Variants in NUP37 observed in about 807,000 individuals in gnomAD.
NUP37 encodes nucleoporin 37.
A neutral mutation model predicts 45.4 loss-of-function variants in NUP37; 33 were observed. The observed-to-expected ratio is 0.73, with a 90% CI of 0.55 to 0.97. The LOEUF is 0.97. Ranked by LOEUF, NUP37 falls within the 50% of genes least tolerant of loss-of-function variation. The pLI, the probability that NUP37 is intolerant of heterozygous loss-of-function variation, is 0.00. For missense variants in NUP37, 365 were observed against 389.7 expected (o/e 0.94, Z 0.53); for synonymous variants, 127 against 130.7 (o/e 0.97, Z 0.19).
intron 7 of NUP37, 59 bp downstream of exon 7, chr12:102,077,263 T>G (rs1477866172): frequency 6.4e-7 from 1 of 1,556,762 alleles, no homozygotes; most frequent in Non-Finnish European, 8.9e-7. Context: ...GAGTGGATCA[T>G]TTAGCAACAG....
At chr12:102,115,637 A>G (rs1050601470) in intron 2 of NUP37, among the ~76,000 whole-genome samples, 2 of 152,258 alleles carry the variant, frequency 1.3e-5, no homozygotes, top group Admixed American at 6.5e-5. Context: ...TAACAGTACT[A>G]TCATTCAGAA....
chr12:102,086,299 C>A (rs958098349), intron 5 of NUP37, among the ~76,000 whole-genome samples: 22 of 152,126 alleles, frequency 1.4e-4, no homozygotes, highest in Non-Finnish European at 2.9e-4. Flanking sequence ...ATTTTCAAAA[C>A]AACATACAGA....
chr12:102,112,280 A>G (rs773314505), intron 2 of NUP37, 48 bp from the exon 3 acceptor site: 15 of 1,458,306 alleles, frequency 1.0e-5, no homozygotes, highest in East Asian at 9.3e-5. Flanking sequence ...AACAAACAAT[A>G]TAATATTCTG....
intron 6 of NUP37, 113 bp from the exon 7 acceptor site, chr12:102,077,616 G>A: frequency 9.7e-7 from 1 of 1,035,552 alleles, no homozygotes; most frequent in East Asian, 2.5e-5. Flanking sequence ...GCAATATACA[G>A]GTTCAGCATT....
At chr12:102,113,863 A>G (rs142245208) in intron 2 of NUP37, among the ~76,000 whole-genome samples, 1 of 152,344 alleles carries the variant, frequency 6.6e-6, no homozygotes, top group East Asian at 1.9e-4. Flanking sequence ...CCAAGTAGAT[A>G]TACTGATTTT....
chr12:102,075,185 T>A (rs1311007587), intron 8 of NUP37, 91 bp from the exon 9 acceptor site: 1 of 807,834 alleles, frequency 1.2e-6, no homozygotes, highest in African/African-American at 1.8e-5. Context: ...TCTTTTTCTT[T>A]TTTTTTAAGA....
At chr12:102,098,686 C>T (rs376727019) in intron 5 of NUP37, among the ~76,000 whole-genome samples, 7 of 152,166 alleles carry the variant, frequency 4.6e-5, no homozygotes, top group South Asian at 2.1e-4. Context: ...TGCGCACTAC[C>T]GTGCCTGGCT....
At chr12:102,079,005 T>C (rs563605258) in intron 6 of NUP37, 13 of 272,468 alleles carry the variant, frequency 4.8e-5, no homozygotes, top group African/African-American at 2.2e-4. Flanking sequence ...GCATGAGTAG[T>C]TGATGCCTGA....
chr12:102,092,799 G>A (rs1879695446), intron 5 of NUP37, among the ~76,000 whole-genome samples: 1 of 152,122 alleles, frequency 6.6e-6, no homozygotes, highest in Non-Finnish European at 1.5e-5. Flanking sequence ...TGAGACTATG[G>A]AGAACTTTGA....
chr12:102,083,220 TTATA>T (rs1190293401), intron 6 of NUP37, among the ~76,000 whole-genome samples: 1 of 152,236 alleles, frequency 6.6e-6, no homozygotes, highest in Non-Finnish European at 1.5e-5. Context: ...TTTATTGTAG[TTATA>T]TATGGTGATA....
chr12:102,108,560 T>C (rs190315067), intron 3 of NUP37, among the ~76,000 whole-genome samples: 2 of 152,308 alleles, frequency 1.3e-5, no homozygotes, highest in East Asian at 3.9e-4. Context: ...CCTTCATATA[T>C]ACATCTATCC....
At chr12:102,090,412 T>C (rs1353089341) in intron 5 of NUP37, among the ~76,000 whole-genome samples, 1 of 152,326 alleles carries the variant, frequency 6.6e-6, no homozygotes, top group Admixed American at 6.5e-5. Context: ...TATGCCCACA[T>C]GTGCATTTGT....
At chr12:102,118,716 C>A in intron 1 of NUP37, 133 bp from the exon 2 acceptor site, 1 of 504,890 alleles carries the variant, frequency 2.0e-6, no homozygotes. Flanking sequence ...TATCAAGGGA[C>A]AGAAACTGCA....
chr12:102,078,381 G>C (rs934100124), intron 6 of NUP37, among the ~76,000 whole-genome samples: 3 of 151,792 alleles, frequency 2.0e-5, no homozygotes, highest in African/African-American at 4.8e-5. Context: ...ATGATGTGCC[G>C]TCACTAAGAA....
At chr12:102,109,053 A>G (rs1432055227) in intron 3 of NUP37, among the ~76,000 whole-genome samples, 3 of 152,190 alleles carry the variant, frequency 2.0e-5, no homozygotes, top group Admixed American at 6.5e-5. Flanking sequence ...TCTAAATAAA[A>G]CCAAACAAAC....
intron 3 of NUP37, among the ~76,000 whole-genome samples, chr12:102,110,792 TG>T (rs1880293130): frequency 6.6e-6 from 1 of 152,092 alleles, no homozygotes; most frequent in East Asian, 1.9e-4. Flanking sequence ...TTGCAGTGAG[TG>T]GAGATGGTGC....
At chr12:102,100,916 ATACTT>A (rs1879951394) in intron 4 of NUP37, 111 bp downstream of exon 4, 1 of 598,978 alleles carries the variant, frequency 1.7e-6, no homozygotes, top group South Asian at 2.2e-5. Context: ...TCTAAATTAT[ATACTT>A]TAATGATGAC....
chr12:102,117,655 T>C (rs1288102012), intron 2 of NUP37, among the ~76,000 whole-genome samples: 1 of 152,224 alleles, frequency 6.6e-6, no homozygotes, highest in African/African-American at 2.4e-5. Flanking sequence ...AACTAAAACA[T>C]ACATATGGAT....
At chr12:102,079,469 G>T (rs2136713502) in intron 6 of NUP37, among the ~76,000 whole-genome samples, 1 of 152,256 alleles carries the variant, frequency 6.6e-6, no homozygotes, top group Admixed American at 6.5e-5. Flanking sequence ...AACCACTGGG[G>T]AAATACACAG....
Sources: gnomAD v4.1 joint callset for allele counts (sites outside exome capture counted in the v4.1 genomes callset) on GRCh38, gnomAD v4.1.1 for gene constraint, MANE v1.5 for transcripts, NCBI Gene and HGNC (gene_info 2026-07-23, HGNC 2026-07-21) for gene names.